Variants in SCLY observed in about 807,000 individuals in gnomAD.
SCLY encodes selenocysteine lyase, also known as putative selenocysteine lyase.
SCLY carries 38 observed loss-of-function variants against 50.1 expected under a neutral mutation model. That is an observed-to-expected ratio of 0.76 (90% confidence interval 0.59 to 0.99). SCLY has a LOEUF of 0.99. SCLY is among the 50% of genes least tolerant of loss of function. The probability of loss-of-function intolerance (pLI) is 0.00; values close to 1 mark genes in which losing one functional copy is unlikely to be tolerated. For synonymous variants in SCLY, 243 were observed against 249.4 expected (o/e 0.97, Z 0.24); for missense variants, 600 against 620.0 (o/e 0.97, Z 0.34).
chr2:238,099,268 C>T lies in SCLY; in HGVS notation c.*913C>T, dbSNP rs1392908438. ...CAAAATGCTCTGGCATTTGGACACA[C>T]ATCACATGTCGATATTTGCATAGGA... On this transcript the variant is annotated 3_prime_UTR_variant, in exon 12 of 12. Transcript: ENST00000254663. The T allele has an allele frequency of 4.2e-6, 2 of 471,804 alleles. No individual in the cohort carries two copies. The highest frequency in any genetic ancestry group is 8.8e-6 in the Non-Finnish European group (2 of 227,182). The allele number at this position is 471,804 out of a possible 1,614,324, so 29.2% of individuals were successfully genotyped here. A position where few individuals can be genotyped will look rare whatever the true frequency, so the allele number is the denominator to read the frequency against.
intron 4 of SCLY, among the ~76,000 whole-genome samples, chr2:238,073,110 GA>G (rs58333330): frequency 6.6e-6 from 1 of 152,258 alleles, no homozygotes; most frequent in East Asian, 1.9e-4. Flanking sequence ...CACATTTGTT[GA>G]AAAGACTCTT....
rs1348496292 is a variant in SCLY at position 238,083,653 on chromosome 2, C to A, written c.884+299C>A. ...AGCCCACTGAAGAGAACTGTTGGAC[C>A]CTTCATGGCTGAGGCCTGCTGCTGT... is the stretch of plus-strand genomic sequence containing the variant. On this transcript the variant is annotated intron_variant, in intron 7 of 11. Coordinates refer to ENST00000254663, the MANE Select transcript of SCLY (RefSeq NM_016510.7). This position sits in a 1 kb window ranked among gnomAD's most constrained non-coding sequence, Gnocchi z 4.3. 1.3e-5 allele frequency among the ~76,000 whole-genome samples: 2 copies of A among 152,194 alleles called. No homozygotes were observed. The highest frequency in any genetic ancestry group is 4.8e-5 in the African/African-American group (2 of 41,446).
chr2:238,085,451 G>T (rs1332501568), intron 7 of SCLY, among the ~76,000 whole-genome samples: 1 of 151,620 alleles, frequency 6.6e-6, no homozygotes, highest in Non-Finnish European at 1.5e-5. Context: ...GGGTGCTGTG[G>T]CTCACACCTG....
intron 8 of SCLY, chr2:238,091,531 T>TAC: frequency 3.0e-5 from 12 of 394,776 alleles, no homozygotes; most frequent in Admixed American, 1.7e-4. Context: ...AGAGGTGAAG[T>TAC]GTCAAGCTGC....
Position 238,094,506 on chromosome 2 carries a change from G to A in SCLY, c.1092G>A (p.Arg364=). The A allele has an allele frequency of 6.2e-7, 1 of 1,614,100 alleles. No homozygotes were observed. Residue 364 remains arginine (R), a synonymous_variant, in exon 10 of 12, where the codon CGG becomes CGA. Coordinates refer to ENST00000254663, the MANE Select transcript of SCLY (RefSeq NM_016510.7). ...RLPNTCNFSI[R]GPRLQGHVVL... ...CCAATACCTGTAACTTTTCCATCCG[G>A]GGACCCCGGCTTCAAGGTGATGGCC...
At chr2:238,068,455 G>A (rs191494012) in intron 3 of SCLY, among the ~76,000 whole-genome samples, 62 of 152,078 alleles carry the variant, frequency 4.1e-4, no homozygotes, top group Middle Eastern at 3.4e-3. Flanking sequence ...AAGCTGAGGT[G>A]GCAGAATCAT....
At position 238,091,364 on chromosome 2, in the gene SCLY, A is replaced by G. The variant is rs2065360325; in HGVS notation, c.921+110A>G. The stretch of plus-strand genomic sequence containing the variant: ...GGGAGATCATATTCGTGATCTCATA[A>G]GCGGACTGACAAGAAAAAGCCTGGA... On this transcript the variant is annotated intron_variant, in intron 8 of 11. Transcript: ENST00000254663. 3.3e-6 allele frequency: 3 copies of G among 897,502 alleles called. No individual in the cohort carries two copies. In the Admixed American group the frequency reaches 5.3e-5, roughly 16 times the overall value. The allele number at this position is 897,502 out of a possible 1,614,324, so 55.6% of individuals were successfully genotyped here. A position where few individuals can be genotyped will look rare whatever the true frequency, so the allele number is the denominator to read the frequency against.
rs749359133 is a variant in SCLY at position 238,083,187 on chromosome 2, T to C, written c.778-61T>C. Reference sequence around the variant, plus strand: ...CCTGTGTGCCCCTAAGCACTTAGCATGTATACAGAGTAGGTCCTTGGAAAG... The same window carrying C: ...CCTGTGTGCCCCTAAGCACTTAGCACGTATACAGAGTAGGTCCTTGGAAAG... On this transcript the variant is annotated intron_variant, in intron 6 of 11. Transcript: ENST00000254663. This position sits in a 1 kb window ranked among gnomAD's most constrained non-coding sequence, Gnocchi z 4.3. The C allele has an allele frequency of 1.1e-5, 13 of 1,140,130 alleles. No homozygotes were observed. In the East Asian group the frequency reaches 2.6e-4, roughly 23 times the overall value. The allele number at this position is 1,140,130 out of a possible 1,614,324, so 70.6% of individuals were successfully genotyped here.
intron 4 of SCLY, chr2:238,081,457 G>A (rs935563741): frequency 3.4e-5 from 15 of 443,772 alleles, no homozygotes; most frequent in Admixed American, 7.9e-5. Context: ...CTCCGTAGAA[G>A]CAGAAAGGCA....
chr2:238,088,187 AG>A (rs2065320416), intron 7 of SCLY, among the ~76,000 whole-genome samples: 3 of 152,128 alleles, frequency 2.0e-5, no homozygotes, highest in African/African-American at 4.8e-5. Context: ...TAGAGCCGGG[AG>A]TGGTAGCTCA....
intron 8 of SCLY, 200 bp downstream of exon 8, chr2:238,091,454 C>T (rs2065361290): frequency 1.6e-6 from 1 of 607,494 alleles, no homozygotes; most frequent in Admixed American, 2.9e-5. Flanking sequence ...ACTTGTTTAG[C>T]ATTTAAAAGG....
chr2:238,083,505 T>G lies in SCLY; in HGVS notation c.884+151T>G. 1.6e-6 allele frequency: 1 copy of G among 644,866 alleles called. No individual in the cohort carries two copies. The highest frequency in any genetic ancestry group is 2.8e-6 in the Non-Finnish European group (1 of 357,072). The allele number at this position is 644,866 out of a possible 1,614,324, so 39.9% of individuals were successfully genotyped here. ...GCTGTGTCAGAACTGGCTCCACTGA[T>G]TGATTTTACACTGAGGGCTCACAGG... On this transcript the variant is annotated intron_variant, in intron 7 of 11. Coordinates refer to ENST00000254663, the MANE Select transcript of SCLY (RefSeq NM_016510.7). This position sits in a 1 kb window ranked among gnomAD's most constrained non-coding sequence, Gnocchi z 4.3.
rs565033804 is a variant in SCLY, at chr2:238,069,542, C to A, written c.484+65C>A. The stretch of plus-strand genomic sequence containing the variant: ...GCTCCAGCTGCGAGGCGGGAAGTGG[C>A]CTGCGAGCAGAGCCCGGGATCCGCT... On this transcript the variant is annotated intron_variant, in intron 4 of 11. Coordinates refer to ENST00000254663, the MANE Select transcript of SCLY (RefSeq NM_016510.7). The surrounding 1 kb of genome is among the most constrained non-coding windows in gnomAD (Gnocchi z 5.0). 7 of 1,438,652 alleles carry A rather than the reference C, an allele frequency of 4.9e-6. No individual in the cohort carries two copies. Among genetic ancestry groups the A allele is most frequent in the East Asian group, 2.4e-5 (1 of 41,484 alleles). The allele number at this position is 1,438,652 out of a possible 1,614,324, so 89.1% of individuals were successfully genotyped here. A position where few individuals can be genotyped will look rare whatever the true frequency, so the allele number is the denominator to read the frequency against.
chr2:238,071,708 T>A (rs755949765), intron 4 of SCLY, among the ~76,000 whole-genome samples: 7 of 152,218 alleles, frequency 4.6e-5, no homozygotes, highest in Non-Finnish European at 8.8e-5. Context: ...GTGGATATTA[T>A]CATTTTAACC....
intron 1 of SCLY, chr2:238,061,471 A>C: frequency 2.3e-6 from 1 of 429,156 alleles, no homozygotes; most frequent in Non-Finnish European, 4.3e-6. Context: ...CCGGAGGTGA[A>C]CCGGCAGAGC....
chr2:238,089,410 G>A (rs77537087), intron 7 of SCLY, among the ~76,000 whole-genome samples: 26 of 152,140 alleles, frequency 1.7e-4, no homozygotes, highest in East Asian at 5.8e-4. Context: ...TATGAGTTAC[G>A]GGTGCAGATA....
chr2:238,077,558 G>A (rs2065186354), intron 4 of SCLY, among the ~76,000 whole-genome samples: 1 of 152,222 alleles, frequency 6.6e-6, no homozygotes. Flanking sequence ...GACCACCTCA[G>A]CATAGATGGA....
intron 7 of SCLY, among the ~76,000 whole-genome samples, chr2:238,088,545 A>C (rs922257647): frequency 2.6e-5 from 4 of 152,214 alleles, no homozygotes; most frequent in African/African-American, 4.8e-5. Context: ...TGGGATGCCA[A>C]GGCGAGAGGA....
chr2:238,063,975 C>T (rs1328653007), intron 1 of SCLY, among the ~76,000 whole-genome samples: 1 of 152,168 alleles, frequency 6.6e-6, no homozygotes. Flanking sequence ...TTCATAGGCA[C>T]CATCATAGCT....
Sources: gnomAD v4.1 joint callset for allele counts (sites outside exome capture counted in the v4.1 genomes callset) on GRCh38, gnomAD v4.1.1 for gene constraint, Gnocchi (gnomAD v3.1) non-coding constraint, MANE v1.5 for transcripts, NCBI Gene and HGNC (gene_info 2026-07-23, HGNC 2026-07-21) for gene names.